The following TBC1D5 variants were observed in gnomAD, a reference collection of about 807,000 sequenced individuals.
TBC1D5 encodes TBC1 domain family, member 5.
In TBC1D5, 75 loss-of-function variants were observed where a neutral mutation model predicts 100.3. The observed-to-expected ratio is 0.75, with a 90% CI of 0.62 to 0.91. The LOEUF (loss-of-function observed/expected upper bound fraction) is 0.91. Ranked by LOEUF, TBC1D5 falls within the 40% of genes least tolerant of loss-of-function variation. The pLI, the probability that TBC1D5 is intolerant of heterozygous loss-of-function variation, is 0.00. For missense variants in TBC1D5, 910 were observed against 942.4 expected, an observed-to-expected ratio of 0.97 and a Z score of 0.45; for synonymous variants, 323 against 325.6, an observed-to-expected ratio of 0.99 and a Z score of 0.09.
At chr3:17,645,508 T>C (rs1229739696) in intron 1 of TBC1D5, among the ~76,000 whole-genome samples, 1 of 152,128 alleles carries the variant, frequency 6.6e-6, no homozygotes, top group Non-Finnish European at 1.5e-5. Flanking sequence ...CAGACATTAC[T>C]AGAATTGACA....
At chr3:17,392,083 A>C (rs2093366182) in intron 8 of TBC1D5, among the ~76,000 whole-genome samples, 1 of 152,118 alleles carries the variant, frequency 6.6e-6, no homozygotes, top group Non-Finnish European at 1.5e-5. Flanking sequence ...ATCTAGGACA[A>C]AGACAGGCAA....
intron 16 of TBC1D5, among the ~76,000 whole-genome samples, chr3:17,243,166 T>A (rs2076445651): frequency 6.6e-6 from 1 of 152,178 alleles, no homozygotes; most frequent in Admixed American, 6.5e-5. Context: ...TAATGAGTTG[T>A]GTAACCATGA....
At chr3:17,463,743 A>T (rs569080640) in intron 3 of TBC1D5, among the ~76,000 whole-genome samples, 37 of 152,098 alleles carry the variant, frequency 2.4e-4, no homozygotes, top group Non-Finnish European at 4.3e-4. Flanking sequence ...CATTTGCCTC[A>T]TCCCAGTTTC....
chr3:17,483,461 A>G lies in TBC1D5; in HGVS notation c.97+25013T>C, dbSNP rs963077639. On this transcript the variant is annotated intron_variant, in intron 3 of 21. Transcript: ENST00000253692. The stretch of plus-strand genomic sequence containing the variant: ...ATTACTTTTTAGGGGTGGGCTTGAG[A>G]AGAAAACTCAAAACTTTGCATTTAA... Among the ~76,000 whole-genome samples, 4 of 152,314 alleles carry G rather than the reference A, an allele frequency of 2.6e-5. No individual in the cohort carries two copies. In the East Asian group the frequency reaches 7.7e-4, roughly 29 times the overall value.
chr3:17,473,875 T>C (rs1355048071), intron 3 of TBC1D5, among the ~76,000 whole-genome samples: 6 of 151,478 alleles, frequency 4.0e-5, no homozygotes, highest in Non-Finnish European at 8.8e-5. Flanking sequence ...CTTTCCTCAT[T>C]AGTTTTTACT....
At chr3:17,705,041 A>G (rs1256329182) in intron 1 of TBC1D5, among the ~76,000 whole-genome samples, 67 of 66,452 alleles carry the variant, frequency 1.0e-3, no homozygotes, top group Middle Eastern at 0.011. Flanking sequence ...GCGGCTGGCC[A>G]GGCGGGGGGC....
At position 17,285,725 on chromosome 3, in the gene TBC1D5, A is replaced by T. The variant is rs552419717; in HGVS notation, c.1245+6170T>A. 2.0e-5 allele frequency among the ~76,000 whole-genome samples: 3 copies of T among 152,328 alleles called. No individual in the cohort carries two copies. The East Asian group carries it at 5.8e-4, about 29-fold the overall frequency. On this transcript the variant is annotated intron_variant, in intron 15 of 21. Coordinates refer to ENST00000253692, the Ensembl canonical transcript of TBC1D5. The stretch of plus-strand genomic sequence containing the variant: ...AAGTTATTTATTTGATATTGACAAA[A>T]ATGTTGTATGTATAGTGAGATTTCT...
intron 3 of TBC1D5, among the ~76,000 whole-genome samples, chr3:17,462,245 G>A (rs1478713752): frequency 6.6e-6 from 1 of 151,692 alleles, no homozygotes; most frequent in African/African-American, 2.4e-5. Flanking sequence ...AATCAGTGGA[G>A]AAGAGGACGT....
chr3:17,368,994 C>G (rs572830059), intron 13 of TBC1D5, among the ~76,000 whole-genome samples: 36 of 152,222 alleles, frequency 2.4e-4, no homozygotes, highest in Middle Eastern at 3.4e-3. Flanking sequence ...AACAGTAGCA[C>G]AGCAATTACT....
chr3:17,261,542 T>A (rs2078288449), intron 15 of TBC1D5, among the ~76,000 whole-genome samples: 1 of 152,132 alleles, frequency 6.6e-6, no homozygotes, highest in African/African-American at 2.4e-5. Context: ...ACTGCTATCT[T>A]GGCTCATTGA....
chr3:17,587,971 G>A (rs766690156), intron 2 of TBC1D5, among the ~76,000 whole-genome samples: 17 of 151,876 alleles, frequency 1.1e-4, no homozygotes, highest in Non-Finnish European at 2.2e-4. Flanking sequence ...CTGTATTTAA[G>A]TACCAATATA....
intron 1 of TBC1D5, among the ~76,000 whole-genome samples, chr3:17,712,878 T>C (rs1286451295): frequency 6.6e-6 from 1 of 152,220 alleles, no homozygotes; most frequent in Non-Finnish European, 1.5e-5. Flanking sequence ...TGAGAGCAGA[T>C]ACCAGCTTAT....
intron 2 of TBC1D5, among the ~76,000 whole-genome samples, chr3:17,594,918 C>A (rs2060470711): frequency 6.6e-6 from 1 of 152,070 alleles, no homozygotes; most frequent in African/African-American, 2.4e-5. Context: ...GGTGTGTCTG[C>A]AAGGGTGCTG....
chr3:17,705,382 C>T (rs1234082491), intron 1 of TBC1D5, among the ~76,000 whole-genome samples: 1 of 134,426 alleles, frequency 7.4e-6, no homozygotes, highest in Non-Finnish European at 1.6e-5. Flanking sequence ...GGGGTGGCTG[C>T]CGGGCGGAGA....
At chr3:17,471,106 C>CGTTT (rs1455199440) in intron 3 of TBC1D5, among the ~76,000 whole-genome samples, 1 of 152,110 alleles carries the variant, frequency 6.6e-6, no homozygotes, top group African/African-American at 2.4e-5. Flanking sequence ...AACATGAAGC[C>CGTTT]TAAAACCACT....
chr3:17,436,190 C>G (rs1374290851), intron 3 of TBC1D5, among the ~76,000 whole-genome samples: 2 of 152,104 alleles, frequency 1.3e-5, no homozygotes, highest in East Asian at 3.9e-4. Context: ...TAAGACTCTA[C>G]CATTTGTTTG....
At chr3:17,389,138 T>A (rs1398711289) in intron 8 of TBC1D5, among the ~76,000 whole-genome samples, 1 of 152,124 alleles carries the variant, frequency 6.6e-6, no homozygotes, top group Non-Finnish European at 1.5e-5. Flanking sequence ...CCAGATTTTT[T>A]ATCCTGTAGA....
At chr3:17,389,315 T>C (rs1440711700) in intron 8 of TBC1D5, among the ~76,000 whole-genome samples, 1 of 152,118 alleles carries the variant, frequency 6.6e-6, no homozygotes, top group Non-Finnish European at 1.5e-5. Flanking sequence ...GATGACATAA[T>C]TTGAGAACAT....
At chr3:17,600,687 T>C (rs139474566) in intron 2 of TBC1D5, among the ~76,000 whole-genome samples, 57 of 152,320 alleles carry the variant, frequency 3.7e-4, no homozygotes, top group African/African-American at 1.3e-3. Flanking sequence ...AAAGGGGTCA[T>C]AACTTTTTTT....
Sources: allele counts gnomAD v4.1 joint callset (sites outside exome capture counted in the v4.1 genomes callset), GRCh38; gene constraint gnomAD v4.1.1; transcripts MANE v1.5; gene names NCBI Gene and HGNC (gene_info 2026-07-23, HGNC 2026-07-21).